Variants in PRKAR2A observed in about 807,000 individuals in gnomAD.
PRKAR2A encodes the protein cAMP-dependent protein kinase type II-alpha regulatory subunit.
A neutral mutation model predicts 51.9 loss-of-function variants in PRKAR2A; 29 were observed. The ratio of observed to expected loss-of-function variants is 0.56; its 90% CI spans 0.42 to 0.76. The LOEUF is 0.76. Ranked by LOEUF, PRKAR2A falls within the 30% of genes least tolerant of loss-of-function variation. The probability of loss-of-function intolerance (pLI) is 0.00; values close to 1 mark genes in which losing one functional copy is unlikely to be tolerated. For synonymous variants in PRKAR2A, 178 were observed against 186.2 expected (o/e 0.96, Z 0.36); for missense variants, 445 against 512.1 (o/e 0.87, Z 1.26).
At chr3:48,760,555 C>T in intron 8 of PRKAR2A, among the ~76,000 whole-genome samples, 1 of 151,322 alleles carries the variant, frequency 6.6e-6, no homozygotes. Flanking sequence ...GGCGCAGTGG[C>T]TCACACCTGT....
chr3:48,758,223 A>G (rs1357065879), intron 8 of PRKAR2A, among the ~76,000 whole-genome samples: 1 of 150,358 alleles, frequency 6.7e-6, no homozygotes, highest in Non-Finnish European at 1.5e-5. Flanking sequence ...GCACCACTGT[A>G]CTCCAGCCTG....
At chr3:48,790,867 C>G (rs2082370996) in intron 3 of PRKAR2A, among the ~76,000 whole-genome samples, 1 of 152,096 alleles carries the variant, frequency 6.6e-6, no homozygotes, top group Non-Finnish European at 1.5e-5. Context: ...GTCAGCTGTT[C>G]CCTGGGAGTC....
At chr3:48,825,517 G>A (rs994790791) in intron 1 of PRKAR2A, among the ~76,000 whole-genome samples, 1 of 151,906 alleles carries the variant, frequency 6.6e-6, no homozygotes, top group East Asian at 1.9e-4. Flanking sequence ...GGTGGCATGC[G>A]CCTGTAATCC....
At position 48,847,411 on chromosome 3, in the gene PRKAR2A, G is replaced by A. The variant is rs767120983; in HGVS notation, c.186C>T (p.Pro62=). 4.4e-6 allele frequency: 7 copies of A among 1,603,258 alleles called. No individual in the cohort carries two copies. In the African/African-American group the frequency reaches 8.0e-5, roughly 18 times the overall value. The change falls in exon 1 of 11, where the codon CCC becomes CCT. Residue 62 remains proline (P), a synonymous_variant. Coordinates refer to ENST00000265563, the MANE Select transcript of PRKAR2A (RefSeq NM_004157.4). This position sits in a 1 kb window ranked among gnomAD's most constrained non-coding sequence, Gnocchi z 4.4. ...CACGGTCCGGGCCGGGTTCTGGCGG[G>A]GGGTGGCCCAGGCTCTGGCGTGGGG... ...AATPRQSLGH[P]PPEPGPDRVA... is the part of the protein sequence containing the mutation.
At chr3:48,745,243 A>G (rs1199422972), downstream of PRKAR2A, among the ~76,000 whole-genome samples, 1 of 132,264 alleles carries the variant, frequency 7.6e-6, no homozygotes, top group Non-Finnish European at 1.6e-5. Context: ...GGGTCTTACT[A>G]TGTTGCCCAG....
intron 1 of PRKAR2A, among the ~76,000 whole-genome samples, chr3:48,831,365 CTTTTT>C (rs539375236): frequency 7.9e-6 from 1 of 126,362 alleles, no homozygotes; most frequent in Non-Finnish European, 1.6e-5. Flanking sequence ...TCCAAAATAT[CTTTTT>C]TTTTTTTTTT....
At chr3:48,815,292 A>G (rs1038099961) in intron 1 of PRKAR2A, among the ~76,000 whole-genome samples, 1 of 151,982 alleles carries the variant, frequency 6.6e-6, no homozygotes, top group Non-Finnish European at 1.5e-5. Flanking sequence ...ATACATACAC[A>G]CACATACACA....
chr3:48,800,678 CTT>C (rs11349697), intron 2 of PRKAR2A, among the ~76,000 whole-genome samples: 2 of 150,372 alleles, frequency 1.3e-5, no homozygotes, highest in Non-Finnish European at 1.5e-5. Flanking sequence ...CTTTTCTTTT[CTT>C]TTTTTTTTGA....
At chr3:48,834,960 G>A (rs1182876736) in intron 1 of PRKAR2A, among the ~76,000 whole-genome samples, 3 of 151,254 alleles carry the variant, frequency 2.0e-5, no homozygotes, top group African/African-American at 7.3e-5. Flanking sequence ...GACTGAGGCA[G>A]GAGGATCACT....
chr3:48,764,918 T>C (rs2081916478), intron 8 of PRKAR2A, 86 bp downstream of exon 8: 1 of 1,248,226 alleles, frequency 8.0e-7, no homozygotes, highest in Non-Finnish European at 1.1e-6. Context: ...AGCCACTGCG[T>C]CCGGCAAGAA....
At position 48,835,270 on chromosome 3, in the gene PRKAR2A, C is replaced by G. The variant is rs564923808; in HGVS notation, c.262+12065G>C. On this transcript the variant is annotated intron_variant, in intron 1 of 10. Transcript: ENST00000265563. ...ACAGGCGTGAGCCACTATGCTTGGC[C>G]TGGCAGATAACTTTTGAAACCAGGA... Among the ~76,000 whole-genome samples, 403 of 151,962 alleles carry G rather than the reference C, an allele frequency of 2.7e-3. 1 individual carries two copies. The highest frequency in any genetic ancestry group is 3.6e-3 in the Non-Finnish European group (248 of 67,962).
intron 6 of PRKAR2A, among the ~76,000 whole-genome samples, chr3:48,768,576 T>G (rs1332255522): frequency 6.6e-6 from 1 of 151,704 alleles, no homozygotes. Flanking sequence ...TGTACACCTA[T>G]AGTCCCAGCT....
chr3:48,751,794 C>T (rs2081652073), intron 10 of PRKAR2A, 76 bp from the exon 11 acceptor site: 1 of 1,521,824 alleles, frequency 6.6e-7, no homozygotes, highest in African/African-American at 1.4e-5. Context: ...CCTAAACATA[C>T]CCATTCATGT....
intron 1 of PRKAR2A, among the ~76,000 whole-genome samples, chr3:48,837,971 G>A (rs2083310757): frequency 6.6e-6 from 1 of 152,124 alleles, no homozygotes; most frequent in African/African-American, 2.4e-5. Flanking sequence ...AAGGTCAGGA[G>A]ATCGAGACCA....
intron 1 of PRKAR2A, among the ~76,000 whole-genome samples, chr3:48,815,141 C>T (rs1034347702): frequency 1.3e-5 from 2 of 151,824 alleles, no homozygotes; most frequent in African/African-American, 2.4e-5. Flanking sequence ...CTTGAACTCC[C>T]GACCTCAGGT....
intron 2 of PRKAR2A, among the ~76,000 whole-genome samples, chr3:48,804,436 G>A (rs2082641644): frequency 6.6e-6 from 1 of 152,028 alleles, no homozygotes; most frequent in Non-Finnish European, 1.5e-5. Context: ...ACTCTAACAT[G>A]GGTACAGAGT....
intron 8 of PRKAR2A, among the ~76,000 whole-genome samples, chr3:48,764,783 C>T (rs1373027166): frequency 6.6e-6 from 1 of 152,158 alleles, no homozygotes; most frequent in Non-Finnish European, 1.5e-5. Flanking sequence ...GGCCACCACA[C>T]CCAGCTAATT....
At chr3:48,792,989 G>GTT (rs57029736) in intron 3 of PRKAR2A, among the ~76,000 whole-genome samples, 7 of 140,948 alleles carry the variant, frequency 5.0e-5, no homozygotes, top group Admixed American at 7.2e-5. Flanking sequence ...AAAACACTAA[G>GTT]TTTTTTTTTT....
intron 1 of PRKAR2A, among the ~76,000 whole-genome samples, chr3:48,817,235 G>T (rs910484615): frequency 6.6e-6 from 1 of 152,036 alleles, no homozygotes; most frequent in Non-Finnish European, 1.5e-5. Flanking sequence ...GCTGAGGCAG[G>T]AGAATTGCTT....
Sources: allele counts gnomAD v4.1 joint callset (sites outside exome capture counted in the v4.1 genomes callset), GRCh38; gene constraint gnomAD v4.1.1; non-coding constraint Gnocchi (gnomAD v3.1); transcripts MANE v1.5; gene names NCBI Gene and HGNC (gene_info 2026-07-23, HGNC 2026-07-21).